HUNK: variants seen among roughly 807,000 people sequenced by gnomAD.
The protein encoded by HUNK is hormonally up-regulated neu tumor-associated kinase.
In HUNK, 21 loss-of-function variants were observed where a neutral mutation model predicts 61.0. That is an observed-to-expected ratio of 0.34 (90% confidence interval 0.24 to 0.50). The LOEUF (loss-of-function observed/expected upper bound fraction) is 0.50, where lower values mean the gene tolerates loss of function less well. Ranked by LOEUF, HUNK falls within the 20% of genes least tolerant of loss-of-function variation. HUNK has a pLI of 0.98. For missense variants in HUNK, 772 were observed against 945.7 expected (o/e 0.82, Z 2.41); for synonymous variants, 371 against 386.1 (o/e 0.96, Z 0.46).
At chr21:31,912,421 A>G (rs934511456) in intron 1 of HUNK, among the ~76,000 whole-genome samples, 1 of 152,182 alleles carries the variant, frequency 6.6e-6, no homozygotes, top group South Asian at 2.1e-4. Flanking sequence ...AGGAAAACCT[A>G]TTGTAGCCTA....
chr21:31,937,229 A>G (rs1017543770), intron 2 of HUNK, among the ~76,000 whole-genome samples: 1 of 152,224 alleles, frequency 6.6e-6, no homozygotes, highest in Admixed American at 6.5e-5. Context: ...TTTCAATCAT[A>G]GTATTTTATT....
chr21:31,959,856 G>A (rs1461863635), intron 5 of HUNK, among the ~76,000 whole-genome samples: 3 of 152,354 alleles, frequency 2.0e-5, no homozygotes, highest in African/African-American at 7.2e-5. Context: ...TGGAATCCAA[G>A]TGGAGACACG....
At chr21:31,930,860 T>TC (rs1270283823) in intron 2 of HUNK, among the ~76,000 whole-genome samples, 3 of 152,164 alleles carry the variant, frequency 2.0e-5, no homozygotes, top group African/African-American at 7.2e-5. Context: ...GTGGCATCTT[T>TC]CTAGTGAATG....
At position 31,999,198 on chromosome 21, in the gene HUNK, G is replaced by C. The variant is rs1004826999; in HGVS notation, c.*14G>C. 6.3e-6 allele frequency: 10 copies of C among 1,578,354 alleles called. No homozygotes were observed. In the Admixed American group the frequency reaches 7.4e-5, roughly 12 times the overall value. Reference sequence around the variant, plus strand: ...ACCCAGTGCTAACTTGGGCCAGCGGGGTTTGGGGTATCTCTAGAAAACAGC... The same window carrying C: ...ACCCAGTGCTAACTTGGGCCAGCGGCGTTTGGGGTATCTCTAGAAAACAGC... On this transcript the variant is annotated 3_prime_UTR_variant, in exon 11 of 11. Coordinates refer to ENST00000270112, the MANE Select transcript of HUNK (RefSeq NM_014586.2).
chr21:31,922,029 T>C (rs1250756125), intron 1 of HUNK, among the ~76,000 whole-genome samples: 1 of 152,244 alleles, frequency 6.6e-6, no homozygotes, highest in Non-Finnish European at 1.5e-5. Flanking sequence ...TCTTTCTTTT[T>C]TTTTGAGATG....
At chr21:31,971,046 G>T (rs1285203733) in intron 6 of HUNK, among the ~76,000 whole-genome samples, 1 of 147,978 alleles carries the variant, frequency 6.8e-6, no homozygotes, top group African/African-American at 2.5e-5. Context: ...TTTAAGCGTG[G>T]AACCAGAATT....
chr21:31,947,078 C>T (rs2052809556), intron 4 of HUNK, among the ~76,000 whole-genome samples: 1 of 149,920 alleles, frequency 6.7e-6, no homozygotes, highest in Non-Finnish European at 1.5e-5. Context: ...GTGGCGCCTG[C>T]GCATTCCCAT....
At chr21:31,996,691 A>T (rs1346927297) in intron 10 of HUNK, among the ~76,000 whole-genome samples, 3 of 152,156 alleles carry the variant, frequency 2.0e-5, no homozygotes, top group Non-Finnish European at 4.4e-5. Flanking sequence ...GGGGGATGAG[A>T]CACTTCTTGG....
chr21:31,926,323 G>A (rs530088199), intron 2 of HUNK, among the ~76,000 whole-genome samples: 80 of 152,298 alleles, frequency 5.3e-4, no homozygotes, highest in South Asian at 1.7e-3. Flanking sequence ...GCACATGTAT[G>A]TTTAAATATT....
chr21:31,931,448 G>A (rs973457031), intron 2 of HUNK, among the ~76,000 whole-genome samples: 1 of 152,044 alleles, frequency 6.6e-6, no homozygotes, highest in African/African-American at 2.4e-5. Context: ...CAAAGCCCTC[G>A]GGAATCCACT....
At chr21:31,901,436 A>T (rs558996834) in intron 1 of HUNK, among the ~76,000 whole-genome samples, 59 of 152,178 alleles carry the variant, frequency 3.9e-4, no homozygotes, top group Non-Finnish European at 4.4e-5. Flanking sequence ...CATTGCCAGG[A>T]GTTCTCTGAT....
intron 5 of HUNK, among the ~76,000 whole-genome samples, chr21:31,960,668 C>T (rs2052921632): frequency 6.6e-6 from 1 of 152,086 alleles, no homozygotes; most frequent in African/African-American, 2.4e-5. Context: ...GGGAAGAGCG[C>T]TTGTGCAGGG....
rs1365819503 is a variant in HUNK, at chr21:31,958,825, G to A, written c.747-18G>A. ...AGGGGACCTGACTCCGCTTTCATGTGTATGTCTCTCTTTTCAGAGGTGTGA... is the reference window on the plus strand; with the variant it reads ...AGGGGACCTGACTCCGCTTTCATGTATATGTCTCTCTTTTCAGAGGTGTGA... On this transcript the variant is annotated intron_variant, in intron 4 of 10. Coordinates refer to ENST00000270112, the MANE Select transcript of HUNK (RefSeq NM_014586.2). 7 of 1,575,416 alleles carry A rather than the reference G, an allele frequency of 4.4e-6. No homozygotes were observed. The East Asian group carries it at 1.4e-4, about 31-fold the overall frequency.
At chr21:31,917,249 G>T (rs931895960) in intron 1 of HUNK, among the ~76,000 whole-genome samples, 3 of 151,922 alleles carry the variant, frequency 2.0e-5, no homozygotes, top group Non-Finnish European at 2.9e-5. Flanking sequence ...CTTGAGTGCA[G>T]TGGTGAGATC....
intron 8 of HUNK, among the ~76,000 whole-genome samples, chr21:31,989,609 G>A (rs1422416999): frequency 6.6e-6 from 1 of 151,806 alleles, no homozygotes; most frequent in Non-Finnish European, 1.5e-5. Flanking sequence ...AGCTACTCAG[G>A]TGGCTGAGGC....
At chr21:31,985,973 G>C (rs2053129936) in intron 8 of HUNK, among the ~76,000 whole-genome samples, 1 of 152,112 alleles carries the variant, frequency 6.6e-6, no homozygotes, top group Non-Finnish European at 1.5e-5. Context: ...GTGGGGCTCG[G>C]GGAAGATGAG....
chr21:31,873,124 T>C lies in HUNK; in HGVS notation c.-551T>C, dbSNP rs1345979312. ...CAAATTCAAACTGAATGGGGCTTTC[T>C]TCTGCTGCCTTCCAGAGGGCGCCGG... On this transcript the variant is annotated 5_prime_UTR_variant, in exon 1 of 11. Coordinates refer to ENST00000270112, the MANE Select transcript of HUNK (RefSeq NM_014586.2). The surrounding 1 kb of genome is among the most constrained non-coding windows in gnomAD (Gnocchi z 6.1). Among the ~76,000 whole-genome samples, 1 of 152,124 alleles carries C rather than the reference T, an allele frequency of 6.6e-6. No homozygotes were observed. The highest frequency in any genetic ancestry group is 6.5e-5 in the Admixed American group (1 of 15,274).
intron 3 of HUNK, among the ~76,000 whole-genome samples, chr21:31,941,278 T>G (rs957143425): frequency 6.6e-6 from 1 of 152,004 alleles, no homozygotes; most frequent in African/African-American, 2.4e-5. Flanking sequence ...TCTTAGATAA[T>G]TCAAAGGATT....
chr21:31,990,950 A>G (rs1416762036), intron 9 of HUNK, among the ~76,000 whole-genome samples: 2 of 152,204 alleles, frequency 1.3e-5, no homozygotes, highest in Non-Finnish European at 2.9e-5. Flanking sequence ...ATCACATATG[A>G]TCCTAAGGGT....
Sources: gnomAD v4.1 joint callset for allele counts (sites outside exome capture counted in the v4.1 genomes callset) on GRCh38, gnomAD v4.1.1 for gene constraint, Gnocchi (gnomAD v3.1) non-coding constraint, MANE v1.5 for transcripts, NCBI Gene and HGNC (gene_info 2026-07-23, HGNC 2026-07-21) for gene names.